The following PRUNE2 variants were observed in gnomAD, a reference collection of about 807,000 sequenced individuals.
PRUNE2 encodes protein prune homolog 2.
Under a neutral mutation model 252.0 loss-of-function variants are expected in PRUNE2, and 164 were observed. That is an observed-to-expected ratio of 0.65 (90% CI 0.57 to 0.74). PRUNE2 has a LOEUF of 0.74. PRUNE2 is among the 30% of genes least tolerant of loss of function. The probability of loss-of-function intolerance (pLI) is 0.00; values close to 1 mark genes in which losing one functional copy is unlikely to be tolerated. For missense variants in PRUNE2, 3,495 were observed against 3,711.0 expected (o/e 0.94, Z 1.51); for synonymous variants, 1,292 against 1,350.2 (o/e 0.96, Z 0.94).
intron 6 of PRUNE2, among the ~76,000 whole-genome samples, chr9:76,813,053 G>C (rs1417867794): frequency 6.6e-6 from 1 of 152,156 alleles, no homozygotes; most frequent in Non-Finnish European, 1.5e-5. Flanking sequence ...CTGTACAGTA[G>C]AAAGGCTATA....
At chr9:76,719,085 G>A (rs2047403097) in intron 6 of PRUNE2, among the ~76,000 whole-genome samples, 1 of 152,100 alleles carries the variant, frequency 6.6e-6, no homozygotes, top group South Asian at 2.1e-4. Flanking sequence ...TCTCAGTAAT[G>A]TAGTCTCCAC....
intron 17 of PRUNE2, among the ~76,000 whole-genome samples, chr9:76,621,411 T>G (rs1832267198): frequency 6.6e-6 from 1 of 152,046 alleles, no homozygotes; most frequent in African/African-American, 2.4e-5. Context: ...GTCAACAGAG[T>G]AGAATTTTTT....
At chr9:76,889,703 C>T (rs1288314759) in intron 1 of PRUNE2, among the ~76,000 whole-genome samples, 1 of 152,198 alleles carries the variant, frequency 6.6e-6, no homozygotes, top group Non-Finnish European at 1.5e-5. Context: ...CGTCTCACCA[C>T]AATGTGATTG....
intron 15 of PRUNE2, among the ~76,000 whole-genome samples, chr9:76,631,982 C>G (rs749085595): frequency 4.6e-5 from 7 of 152,166 alleles, no homozygotes; most frequent in Non-Finnish European, 1.0e-4. Context: ...TGATTTAGTT[C>G]TTTTTTATGG....
intron 1 of PRUNE2, chr9:76,862,536 C>A (rs774519300): frequency 3.9e-5 from 6 of 152,122 alleles, no homozygotes; most frequent in Non-Finnish European, 7.4e-5. Flanking sequence ...TTAGGAAAAG[C>A]TAGAAGAGCT....
At chr9:76,856,742 C>T (rs545990726) in intron 1 of PRUNE2, among the ~76,000 whole-genome samples, 9 of 151,936 alleles carry the variant, frequency 5.9e-5, no homozygotes, top group South Asian at 2.1e-4. Context: ...GTGTCATATG[C>T]CTCTCTTTTC....
At chr9:76,711,422 T>C in intron 7 of PRUNE2, 64 bp from the exon 8 acceptor site, 1 of 1,005,894 alleles carries the variant, frequency 9.9e-7, no homozygotes. Context: ...AATTGCACTT[T>C]GCAATTTATC....
In PRUNE2 at chr9:76,704,013, C is replaced by T. The variant is rs2046107561; in HGVS notation, c.7600G>A (p.Glu2534Lys). 6.2e-7 allele frequency: 1 copy of T among 1,613,780 alleles called. No individual in the cohort carries two copies. Among genetic ancestry groups the T allele is most frequent in the Non-Finnish European group, 8.5e-7 (1 of 1,179,786 alleles). The change falls in exon 9 of 19, where the codon GAA (glutamate) becomes AAA (lysine). Residue 2534 changes from glutamate (E) to lysine (K), a missense_variant. Glu to Lys is a moderately conservative substitution (Grantham distance 56). Transcript: ENST00000376718. ...PEQIKSEYKE[E>K]RCTEKNEDRH... Reference sequence around the variant, plus strand: ...TCTTCATTCTTCTCTGTACATCTTTCTTCCTTGTATTCTGATTTTATCTGC... The same window carrying T: ...TCTTCATTCTTCTCTGTACATCTTTTTTCCTTGTATTCTGATTTTATCTGC...
In PRUNE2 at chr9:76,846,401, G is replaced by A. The variant is rs111421023; in HGVS notation, c.508+114C>T. ...CCCTGCCTCTCTGATGAAGCTTCCC[G>A]TGGTCTTTAAAGAGATTGTTAACCC... On this transcript the variant is annotated intron_variant, in intron 4 of 18. Coordinates refer to ENST00000376718, the MANE Select transcript of PRUNE2 (RefSeq NM_015225.3). 1.1e-4 allele frequency: 90 copies of A among 809,376 alleles called. 1 individual carries two copies. Among genetic ancestry groups the A allele is most frequent in the African/African-American group, 8.9e-4 (53 of 59,406 alleles). The allele number at this position is 809,376 out of a possible 1,614,324, so 50.1% of individuals were successfully genotyped here. A position where few individuals can be genotyped will look rare whatever the true frequency, so the allele number is the denominator to read the frequency against.
intron 6 of PRUNE2, among the ~76,000 whole-genome samples, chr9:76,815,135 C>T (rs1006778505): frequency 2.0e-5 from 3 of 152,034 alleles, no homozygotes; most frequent in African/African-American, 7.3e-5. Flanking sequence ...TTTCATATAC[C>T]CCCGCCCCAA....
In PRUNE2 at chr9:76,707,167, G is replaced by A. The variant is rs1381824550; in HGVS notation, c.5107C>T (p.Gln1703Ter). ...GGEESIEEEIQVANCHVAEDE... is the reference protein window; with the variant it reads ...GGEESIEEEI ...TCAGCAACGTGGCAGTTGGCCACCT[G>A]GATCTCTTCCTCTATTGACTCTTCA... The change falls in exon 8 of 19, where the codon CAG becomes TAG. Residue 1703 changes from glutamine (Q) to a stop codon, truncating the protein, a stop_gained. Coordinates refer to ENST00000376718, the MANE Select transcript of PRUNE2 (RefSeq NM_015225.3). LOFTEE classifies it high-confidence loss of function. 2.5e-6 allele frequency: 4 copies of A among 1,613,734 alleles called. No homozygotes were observed. The Admixed American group carries it at 6.7e-5, about 27-fold the overall frequency.
chr9:76,720,772 T>C (rs1003735624), intron 6 of PRUNE2, among the ~76,000 whole-genome samples: 3 of 152,198 alleles, frequency 2.0e-5, no homozygotes, highest in African/African-American at 7.2e-5. Flanking sequence ...CTTTAAGTCA[T>C]TTAAGTGATT....
chr9:76,617,084 G>C (rs1015572971), intron 18 of PRUNE2, among the ~76,000 whole-genome samples: 39 of 152,056 alleles, frequency 2.6e-4, no homozygotes, highest in Non-Finnish European at 4.7e-4. Flanking sequence ...TTTTCTATAA[G>C]CAACTTTTTC....
At chr9:76,741,350 A>G (rs764767679) in intron 6 of PRUNE2, among the ~76,000 whole-genome samples, 1 of 152,230 alleles carries the variant, frequency 6.6e-6, no homozygotes, top group Non-Finnish European at 1.5e-5. Flanking sequence ...GATGGCAACT[A>G]ACAGTATCAA....
At chr9:76,647,677 C>A (rs541478182) in intron 11 of PRUNE2, among the ~76,000 whole-genome samples, 7 of 152,078 alleles carry the variant, frequency 4.6e-5, no homozygotes, top group Non-Finnish European at 8.8e-5. Flanking sequence ...TAATACTCAA[C>A]AATAAGGCCA....
intron 9 of PRUNE2, among the ~76,000 whole-genome samples, chr9:76,675,792 A>G (rs2042429864): frequency 1.5e-5 from 2 of 131,528 alleles, no homozygotes; most frequent in Non-Finnish European, 3.3e-5. Flanking sequence ...GGAAACCATC[A>G]TTCTCAGTAA....
chr9:76,884,553 CT>C (rs908747863), intron 1 of PRUNE2, among the ~76,000 whole-genome samples: 1 of 152,176 alleles, frequency 6.6e-6, no homozygotes, highest in African/African-American at 2.4e-5. Flanking sequence ...AAACCAAGGA[CT>C]TTATGTGCAC....
chr9:76,904,403 T>C (rs976736522), intron 1 of PRUNE2, among the ~76,000 whole-genome samples: 1 of 152,198 alleles, frequency 6.6e-6, no homozygotes, highest in African/African-American at 2.4e-5. Flanking sequence ...TAAATGTTTA[T>C]TGTGAAAATA....
At chr9:76,809,204 T>C (rs537458146) in intron 6 of PRUNE2, among the ~76,000 whole-genome samples, 6 of 152,182 alleles carry the variant, frequency 3.9e-5, no homozygotes, top group Non-Finnish European at 5.9e-5. Flanking sequence ...TTCGTATAGG[T>C]AGTGGCCCAT....
Sources: allele counts gnomAD v4.1 joint callset (sites outside exome capture counted in the v4.1 genomes callset), GRCh38; gene constraint gnomAD v4.1.1; transcripts MANE v1.5; gene names NCBI Gene and HGNC (gene_info 2026-07-23, HGNC 2026-07-21).